The following RPRD1B variants were observed in gnomAD, a reference collection of about 807,000 sequenced individuals.
RPRD1B encodes regulation of nuclear pre-mRNA domain-containing protein 1B.
In RPRD1B, 11 loss-of-function variants were observed where a neutral mutation model predicts 41.5. That is an observed-to-expected ratio of 0.27 (90% confidence interval 0.17 to 0.44). RPRD1B has a LOEUF of 0.44. Among genes scored for constraint, RPRD1B ranks in the 20% least tolerant of loss-of-function variants. The probability of loss-of-function intolerance (pLI) is 1.00; values close to 1 mark genes in which losing one functional copy is unlikely to be tolerated. For synonymous variants in RPRD1B, 158 were observed against 155.6 expected, an observed-to-expected ratio of 1.02 and a Z score of -0.12; for missense variants, 248 against 389.9, an observed-to-expected ratio of 0.64 and a Z score of 3.06.
chr20:38,071,173 AT>A (rs1370117515), intron 6 of RPRD1B, among the ~76,000 whole-genome samples: 1 of 152,202 alleles, frequency 6.6e-6, no homozygotes, highest in African/African-American at 2.4e-5. Flanking sequence ...CTCTTGAGAA[AT>A]TTGTTCCAAG....
chr20:38,087,395 A>C (rs1027243558), intron 6 of RPRD1B, among the ~76,000 whole-genome samples: 109 of 152,290 alleles, frequency 7.2e-4, no homozygotes, highest in African/African-American at 2.5e-3. Flanking sequence ...AAGAGTAAGG[A>C]GTCTTGGATT....
Position 38,059,430 on chromosome 20 carries a change from A to C in RPRD1B, c.565A>C (p.Asn189His), listed in dbSNP as rs774266149. Residue 189 changes from asparagine to histidine, a missense_variant, in exon 5 of 7, where the codon AAT becomes CAT. Asn to His is a moderately conservative substitution (Grantham distance 68). Coordinates refer to ENST00000373433, the MANE Select transcript of RPRD1B (RefSeq NM_021215.4). Reference protein sequence around the residue: ...ELIKALQDLENAASGDATVRQ... With the variant: ...ELIKALQDLEHAASGDATVRQ... ...AATCAAAGCTTTGCAGGATCTGGAA[A>C]ATGCCGCATCAGGGGATGCTACTGT... is the stretch of plus-strand genomic sequence containing the variant. The C allele has an allele frequency of 1.9e-6, 3 of 1,613,872 alleles. No individual in the cohort carries two copies. In the East Asian group the frequency reaches 6.7e-5, roughly 36 times the overall value.
intron 6 of RPRD1B, among the ~76,000 whole-genome samples, chr20:38,084,898 A>G (rs1002140744): frequency 2.0e-5 from 3 of 151,942 alleles, no homozygotes; most frequent in East Asian, 1.9e-4. Context: ...GGTGCCTGCC[A>G]CCTCCTCCAC....
At chr20:38,040,096 G>T (rs1219657190) in intron 1 of RPRD1B, among the ~76,000 whole-genome samples, 1 of 152,126 alleles carries the variant, frequency 6.6e-6, no homozygotes, top group Non-Finnish European at 1.5e-5. Context: ...GCTCATTTTT[G>T]CAGTAGAATA....
In RPRD1B at chr20:38,063,061, A is replaced by T. The variant is rs113484262; in HGVS notation, c.656-3020A>T. ...GACTTTTACTATTTTCCCCTCACTC[A>T]CTGCTCAAGTCATATGGGCTCCTTG... On this transcript the variant is annotated intron_variant, in intron 5 of 6. Transcript: ENST00000373433. Among the ~76,000 whole-genome samples the T allele has an allele frequency of 3.3e-3, 502 of 151,522 alleles. 1 individual carries two copies. Among genetic ancestry groups the T allele is most frequent in the Non-Finnish European group, 5.5e-3 (376 of 67,812 alleles).
In RPRD1B at chr20:38,090,899, T is replaced by G; in HGVS notation, c.*1024T>G. On this transcript the variant is annotated 3_prime_UTR_variant, in exon 7 of 7. Transcript: ENST00000373433. ...ACGCTGAGCAGGTCCGTCTGTCATG[T>G]CACGCCACTGCACAGGTCCTTGTCC... 1.0e-6 allele frequency: 1 copy of G among 985,440 alleles called. No individual in the cohort carries two copies. The highest frequency in any genetic ancestry group is 1.2e-6 in the Non-Finnish European group (1 of 829,958). 61.0% of individuals were successfully genotyped at this position (985,440 alleles called of 1,614,324 possible). A position where few individuals can be genotyped will look rare whatever the true frequency, so the allele number is the denominator to read the frequency against.
chr20:38,088,728 C>T (rs1272571077), intron 6 of RPRD1B, among the ~76,000 whole-genome samples: 1 of 152,182 alleles, frequency 6.6e-6, no homozygotes, highest in African/African-American at 2.4e-5. Flanking sequence ...TCTAGAGGAA[C>T]ATAGAAGTCT....
In RPRD1B at chr20:38,067,079, A is replaced by G. The variant is rs139207338; in HGVS notation, c.831+823A>G. 8.3e-3 allele frequency among the ~76,000 whole-genome samples: 1,269 copies of G among 152,340 alleles called. 10 individuals are homozygous for G. The highest frequency in any genetic ancestry group is 0.025 in the African/African-American group (1,041 of 41,584). On this transcript the variant is annotated intron_variant, in intron 6 of 6. Transcript: ENST00000373433. ...TATATAGCACAGTTCTCAAACTGTA[A>G]AAGACCTCATTTCTACCCTGGGTTG...
intron 4 of RPRD1B, among the ~76,000 whole-genome samples, chr20:38,058,486 G>A (rs2074265815): frequency 6.6e-6 from 1 of 152,150 alleles, no homozygotes; most frequent in African/African-American, 2.4e-5. Context: ...TACAGAGCTA[G>A]CTACTCCTTG....
In RPRD1B at chr20:38,054,054, A is replaced by T. The variant is rs142676918; in HGVS notation, c.416-3478A>T. Among the ~76,000 whole-genome samples the T allele has an allele frequency of 9.9e-5, 15 of 152,256 alleles. No individual in the cohort carries two copies. The East Asian group carries it at 2.7e-3, about 27-fold the overall frequency. The stretch of plus-strand genomic sequence containing the variant: ...GAGACAGTGGTCTCAACCAGCTGTG[A>T]CAAAGGGCAGATTGCTGATAAGAGG... On this transcript the variant is annotated intron_variant, in intron 3 of 6. Coordinates refer to ENST00000373433, the MANE Select transcript of RPRD1B (RefSeq NM_021215.4).
intron 6 of RPRD1B, among the ~76,000 whole-genome samples, chr20:38,071,143 A>G (rs1305287442): frequency 6.6e-6 from 1 of 152,230 alleles, no homozygotes; most frequent in Non-Finnish European, 1.5e-5. Flanking sequence ...CACAAAGATG[A>G]TATGCCACAC....
chr20:38,055,986 G>A (rs1024190298), intron 3 of RPRD1B, among the ~76,000 whole-genome samples: 2 of 152,300 alleles, frequency 1.3e-5, no homozygotes, highest in African/African-American at 2.4e-5. Flanking sequence ...GTCATTTAAC[G>A]AAGCCATGGT....
At chr20:38,053,262 GA>G (rs2074206954) in intron 3 of RPRD1B, among the ~76,000 whole-genome samples, 2 of 152,152 alleles carry the variant, frequency 1.3e-5, no homozygotes, top group South Asian at 2.1e-4. Context: ...TATAGCTTTT[GA>G]AAAGGAAACC....
intron 6 of RPRD1B, among the ~76,000 whole-genome samples, chr20:38,086,879 T>C (rs1371876726): frequency 6.6e-6 from 1 of 152,222 alleles, no homozygotes; most frequent in Non-Finnish European, 1.5e-5. Flanking sequence ...CTAAGCATGA[T>C]GGAATCCCCC....
In RPRD1B at chr20:38,091,466, C is replaced by G; in HGVS notation, c.*1591C>G. On this transcript the variant is annotated 3_prime_UTR_variant, in exon 7 of 7. Coordinates refer to ENST00000373433, the MANE Select transcript of RPRD1B (RefSeq NM_021215.4). The stretch of plus-strand genomic sequence containing the variant: ...ACCTAGTAGTGTTTGAGCTGTTATT[C>G]AGATTTGAATTCAGACTGTGTGTTG... The G allele has an allele frequency of 2.0e-6, 2 of 985,268 alleles. No homozygotes were observed. The highest frequency in any genetic ancestry group is 2.4e-6 in the Non-Finnish European group (2 of 829,906). 61.0% of individuals were successfully genotyped at this position (985,268 alleles called of 1,614,324 possible). A position where few individuals can be genotyped will look rare whatever the true frequency, so the allele number is the denominator to read the frequency against.
Position 38,033,914 on chromosome 20 carries a change from A to G in RPRD1B, c.-34A>G. The G allele has an allele frequency of 6.3e-7, 1 of 1,584,828 alleles. No individual in the cohort carries two copies. The highest frequency in any genetic ancestry group is 1.2e-5 in the South Asian group (1 of 86,022). ...CTCTTCCCGCCGCACTGGGCGGCCC[A>G]GGCCGCTCCCTGCCGGGCCTCACTG... On this transcript the variant is annotated 5_prime_UTR_variant, in exon 1 of 7. Coordinates refer to ENST00000373433, the MANE Select transcript of RPRD1B (RefSeq NM_021215.4).
At chr20:38,061,352 G>A (rs762003652) in intron 5 of RPRD1B, among the ~76,000 whole-genome samples, 3 of 151,986 alleles carry the variant, frequency 2.0e-5, no homozygotes, top group Non-Finnish European at 4.4e-5. Flanking sequence ...TTCCTTTCCC[G>A]AACCTGTGTA....
chr20:38,079,047 G>A (rs1246371494), intron 6 of RPRD1B, among the ~76,000 whole-genome samples: 1 of 152,046 alleles, frequency 6.6e-6, no homozygotes, highest in Admixed American at 6.5e-5. Flanking sequence ...TAAAATAATA[G>A]AATATGGGAG....
chr20:38,062,828 G>GCCC (rs35010909), intron 5 of RPRD1B, among the ~76,000 whole-genome samples: 350 of 34,620 alleles, frequency 0.01, 4 homozygotes, highest in African/African-American at 0.016. Context: ...AAAAGCCAGA[G>GCCC]CCCCCCCCCC....
Sources: gnomAD v4.1 joint callset for allele counts (sites outside exome capture counted in the v4.1 genomes callset) on GRCh38, gnomAD v4.1.1 for gene constraint, MANE v1.5 for transcripts, NCBI Gene and HGNC (gene_info 2026-07-23, HGNC 2026-07-21) for gene names.